Variants in CELF4 observed in about 807,000 individuals in gnomAD.
CELF4 encodes CUGBP Elav-like family member 4.
CELF4 carries 18 observed loss-of-function variants against 59.9 expected under a neutral mutation model. That is an observed-to-expected ratio of 0.30 (90% CI 0.21 to 0.45). The LOEUF (loss-of-function observed/expected upper bound fraction) is 0.45. Among genes scored for constraint, CELF4 ranks in the 20% least tolerant of loss-of-function variants. The pLI, the probability that CELF4 is intolerant of heterozygous loss-of-function variation, is 1.00. For missense variants in CELF4, 456 were observed against 689.0 expected (o/e 0.66, Z 3.79); for synonymous variants, 261 against 267.1 (o/e 0.98, Z 0.22).
Position 37,527,841 on chromosome 18 carries a change from C to T in CELF4, c.286+37515G>A, listed in dbSNP as rs1050939757. ...TCACTTTCCCCTGACCTTCTATAGG[C>T]CCACAGACTAAGCTGCACTGCATTT... On this transcript the variant is annotated intron_variant, in intron 1 of 12. Transcript: ENST00000420428. Among the ~76,000 whole-genome samples, 41 of 152,328 alleles carry T rather than the reference C, an allele frequency of 2.7e-4. 1 individual carries two copies. Among genetic ancestry groups the T allele is most frequent in the South Asian group, 2.1e-4 (1 of 4,818 alleles).
intron 3 of CELF4, among the ~76,000 whole-genome samples, chr18:37,319,228 C>T (rs1048715038): frequency 2.0e-5 from 3 of 152,186 alleles, no homozygotes; most frequent in Non-Finnish European, 4.4e-5. Context: ...GTGCCCTGGA[C>T]GAGGCTGAGT....
In CELF4 at chr18:37,560,782, C is replaced by A. The variant is rs181564566; in HGVS notation, c.286+4574G>T. Among the ~76,000 whole-genome samples, 4 of 152,308 alleles carry A rather than the reference C, an allele frequency of 2.6e-5. No homozygotes were observed. In the East Asian group the frequency reaches 7.7e-4, roughly 29 times the overall value. ...ACATAGAGCCTCACAGTTTAAATCA[C>A]CTGTCTACAGCAGGAAAAAAACACC... On this transcript the variant is annotated intron_variant, in intron 1 of 12. Transcript: ENST00000420428.
intron 1 of CELF4, among the ~76,000 whole-genome samples, chr18:37,563,633 C>G (rs995197471): frequency 6.6e-6 from 1 of 152,064 alleles, no homozygotes; most frequent in Non-Finnish European, 1.5e-5. Context: ...GGCTGCCTCC[C>G]CGTTCCACCT....
chr18:37,439,201 G>A (rs1034077127), intron 2 of CELF4, among the ~76,000 whole-genome samples: 11 of 152,182 alleles, frequency 7.2e-5, no homozygotes, highest in Non-Finnish European at 1.6e-4. Context: ...AGTTAGTACT[G>A]GAGTGAGGGT....
chr18:37,267,969 G>A (rs935381553), intron 8 of CELF4, among the ~76,000 whole-genome samples: 10 of 152,120 alleles, frequency 6.6e-5, no homozygotes, highest in African/African-American at 1.9e-4. Context: ...CCCGGGAGGC[G>A]GAGGTTGCAG....
chr18:37,461,085 C>A lies in CELF4; in HGVS notation c.369+24440G>T, dbSNP rs187124481. ...TTCCCTGCTGTCTATTGCATGCCTG[C>A]GGTATGAGAGGCTTGGGAGAAGGTA... On this transcript the variant is annotated intron_variant, in intron 2 of 12. Coordinates refer to ENST00000420428, the MANE Select transcript of CELF4 (RefSeq NM_020180.4). Among the ~76,000 whole-genome samples, 4 of 152,280 alleles carry A rather than the reference C, an allele frequency of 2.6e-5. No individual in the cohort carries two copies. The East Asian group carries it at 5.8e-4, about 22-fold the overall frequency.
chr18:37,389,738 G>A (rs189685776), intron 2 of CELF4, among the ~76,000 whole-genome samples: 7 of 152,280 alleles, frequency 4.6e-5, no homozygotes, highest in African/African-American at 1.4e-4. Flanking sequence ...ACAGGAGTGT[G>A]AGCGTGCACA....
At chr18:37,322,005 A>G in intron 2 of CELF4, 124 bp from the exon 3 acceptor site, 1 of 642,988 alleles carries the variant, frequency 1.6e-6, no homozygotes, top group Non-Finnish European at 2.6e-6. Context: ...GCGCTCCCAC[A>G]ACATGCTGCT....
chr18:37,260,252 T>C (rs374013965), intron 10 of CELF4, among the ~76,000 whole-genome samples: 1 of 152,362 alleles, frequency 6.6e-6, no homozygotes, highest in Admixed American at 6.5e-5. Context: ...CTGAACACTA[T>C]GCAGGGCTTT....
At chr18:37,481,369 T>TC (rs1471612188) in intron 2 of CELF4, among the ~76,000 whole-genome samples, 2 of 152,146 alleles carry the variant, frequency 1.3e-5, no homozygotes, top group Non-Finnish European at 2.9e-5. Flanking sequence ...CCCTTTCTGC[T>TC]ACCAAAGGAG....
chr18:37,352,141 T>G (rs566614100), intron 2 of CELF4, among the ~76,000 whole-genome samples: 1 of 152,318 alleles, frequency 6.6e-6, no homozygotes, highest in East Asian at 1.9e-4. Flanking sequence ...TTCTGAAAAC[T>G]GGGAATTTTT....
At chr18:37,353,249 T>TATAC (rs1473946530) in intron 2 of CELF4, among the ~76,000 whole-genome samples, 3 of 146,596 alleles carry the variant, frequency 2.0e-5, no homozygotes, top group African/African-American at 7.5e-5. Context: ...TATATATATA[T>TATAC]ACATAAAAGA....
In CELF4 at chr18:37,273,103, T is replaced by C. The variant is rs2092094082; in HGVS notation, c.862A>G (p.Met288Val). The change falls in exon 7 of 13, where the codon ATG becomes GTG. Residue 288 changes from methionine (M) to valine (V), a missense_variant. Coordinates refer to ENST00000420428, the MANE Select transcript of CELF4 (RefSeq NM_020180.4). ...ATCTGGGCGGCAGCGAAGGCAGCCA[T>C]GGGGTTCAGGTAGCCGCCCTGCGCG... ...SVAQGGYLNP[M>V]AAFAAAQMQQ... The C allele has an allele frequency of 6.2e-7, 1 of 1,613,532 alleles. No individual in the cohort carries two copies. Among genetic ancestry groups the C allele is most frequent in the South Asian group, 1.1e-5 (1 of 91,066 alleles).
chr18:37,275,179 A>G lies in CELF4; in HGVS notation c.513T>C (p.Leu171=), dbSNP rs141628195. The part of the protein sequence containing the change: ...KQQSEDDVRR[L]FEAFGNIEEC... ...CCTCGATGTTCCCAAAGGCCTCGAAAAGGCGGCGCACGTCGTCCTCGGACT... is the reference window on the plus strand; with the variant it reads ...CCTCGATGTTCCCAAAGGCCTCGAAGAGGCGGCGCACGTCGTCCTCGGACT... Residue 171 remains leucine (L), a synonymous_variant, in exon 4 of 13, where the codon CTT becomes CTC. Transcript: ENST00000420428. 3 of 1,613,444 alleles carry G rather than the reference A, an allele frequency of 1.9e-6. No homozygotes were observed. The highest frequency in any genetic ancestry group is 1.7e-6 in the Non-Finnish European group (2 of 1,179,856).
intron 2 of CELF4, among the ~76,000 whole-genome samples, chr18:37,339,449 T>C (rs112605164): frequency 5.3e-5 from 8 of 152,282 alleles, no homozygotes; most frequent in African/African-American, 1.4e-4. Context: ...CATGTAGTCA[T>C]GTGTGTGCAA....
chr18:37,314,448 G>A (rs531545486), intron 3 of CELF4, among the ~76,000 whole-genome samples: 1 of 152,102 alleles, frequency 6.6e-6, no homozygotes. Context: ...GAGTGAGACT[G>A]TCTCAAAAGA....
In CELF4 at chr18:37,492,598, C is replaced by T. The variant is rs78774388; in HGVS notation, c.287-6991G>A. Among the ~76,000 whole-genome samples the T allele has an allele frequency of 4.2e-3, 633 of 152,276 alleles. 6 individuals are homozygous for T. The highest frequency in any genetic ancestry group is 0.015 in the African/African-American group (604 of 41,562). On this transcript the variant is annotated intron_variant, in intron 1 of 12. Coordinates refer to ENST00000420428, the MANE Select transcript of CELF4 (RefSeq NM_020180.4). ...TTTTGAAGCAGATGTTCTGCTGCCA[C>T]GTGAGAGAGAGGCAGCTACAGAGCA...
chr18:37,334,549 C>T (rs1030694800), intron 2 of CELF4, among the ~76,000 whole-genome samples: 2 of 152,070 alleles, frequency 1.3e-5, no homozygotes, highest in South Asian at 4.1e-4. Context: ...TGGCCACCGG[C>T]GGCTGGACGG....
At chr18:37,443,765 G>A (rs1007148995) in intron 2 of CELF4, among the ~76,000 whole-genome samples, 17 of 152,118 alleles carry the variant, frequency 1.1e-4, no homozygotes, top group Non-Finnish European at 1.6e-4. Flanking sequence ...ATGGAATCCT[G>A]AGCCTCCTTC....
Sources: allele counts gnomAD v4.1 joint callset (sites outside exome capture counted in the v4.1 genomes callset), GRCh38; gene constraint gnomAD v4.1.1; transcripts MANE v1.5; gene names NCBI Gene and HGNC (gene_info 2026-07-23, HGNC 2026-07-21).